Variants in DNAH12 observed in about 807,000 individuals in gnomAD.
DNAH12 encodes the protein dynein axonemal heavy chain 12, also known as axonemal beta dynein heavy chain 12.
In DNAH12, 285 loss-of-function variants were observed where a neutral mutation model predicts 371.5. The ratio of observed to expected loss-of-function variants is 0.77; its 90% confidence interval spans 0.70 to 0.85. DNAH12 has a LOEUF of 0.85. DNAH12 is among the 40% of genes least tolerant of loss of function. The pLI, the probability that DNAH12 is intolerant of heterozygous loss-of-function variation, is 0.00. For synonymous variants in DNAH12, 1,200 were observed against 1,213.0 expected (o/e 0.99, Z 0.22); for missense variants, 3,611 against 3,689.4 (o/e 0.98, Z 0.55).
At chr3:57,442,657 G>A (rs998579956) in intron 29 of DNAH12, among the ~76,000 whole-genome samples, 2 of 152,098 alleles carry the variant, frequency 1.3e-5, no homozygotes, top group African/African-American at 4.8e-5. Context: ...GGAATCTACG[G>A]ATTTATTGCA....
chr3:57,358,470 T>C (rs2153326217), intron 58 of DNAH12, among the ~76,000 whole-genome samples: 1 of 152,310 alleles, frequency 6.6e-6, no homozygotes, highest in African/African-American at 2.4e-5. Flanking sequence ...ATGTATGTCC[T>C]ATAATTGAGA....
At chr3:57,477,362 C>T (rs2066569620) in intron 13 of DNAH12, among the ~76,000 whole-genome samples, 1 of 152,104 alleles carries the variant, frequency 6.6e-6, no homozygotes, top group African/African-American at 2.4e-5. Context: ...TGCAAGGCAG[C>T]AGAGAGGCTG....
At chr3:57,511,630 A>G (rs1339932430) in intron 4 of DNAH12, among the ~76,000 whole-genome samples, 1 of 152,218 alleles carries the variant, frequency 6.6e-6, no homozygotes, top group African/African-American at 2.4e-5. Flanking sequence ...AGAATAGCCA[A>G]GAAAACCCTG....
At position 57,449,863 on chromosome 3, in the gene DNAH12, G is replaced by A. The variant is rs566969522; in HGVS notation, c.3786+2980C>T. On this transcript the variant is annotated intron_variant, in intron 25 of 73. Transcript: ENST00000495027. ...TGGGAACCCAGGCAGAGGAGGCGCC[G>A]AGAGCAAGCGAGGGCTCTGAGGACT... 2.0e-5 allele frequency among the ~76,000 whole-genome samples: 3 copies of A among 152,322 alleles called. 1 individual carries two copies. The South Asian group carries it at 6.2e-4, about 32-fold the overall frequency.
chr3:57,532,917 T>C (rs1358529361), intron 2 of DNAH12, among the ~76,000 whole-genome samples: 1 of 152,186 alleles, frequency 6.6e-6, no homozygotes, highest in African/African-American at 2.4e-5. Flanking sequence ...TCCCTCCCTT[T>C]CAGGAGGTGA....
chr3:57,537,678 G>C (rs1027616508), intron 2 of DNAH12, among the ~76,000 whole-genome samples: 3 of 148,238 alleles, frequency 2.0e-5, no homozygotes, highest in African/African-American at 7.7e-5. Flanking sequence ...TTAAAAAATG[G>C]TTTCTAAAAG....
At chr3:57,462,120 TAC>T (rs1225551048) in intron 18 of DNAH12, among the ~76,000 whole-genome samples, 22 of 152,298 alleles carry the variant, frequency 1.4e-4, no homozygotes, top group African/African-American at 4.8e-4. Flanking sequence ...AAAAATTATG[TAC>T]CAACACTAGC....
At chr3:57,465,878 T>C (rs755189971) in intron 17 of DNAH12, among the ~76,000 whole-genome samples, 3 of 152,160 alleles carry the variant, frequency 2.0e-5, no homozygotes, top group Non-Finnish European at 4.4e-5. Flanking sequence ...AAATTTTACT[T>C]GCAGTAAGAG....
intron 73 of DNAH12, among the ~76,000 whole-genome samples, chr3:57,294,176 C>CTTTTT (rs62779960): frequency 2.7e-4 from 35 of 129,054 alleles, no homozygotes; most frequent in African/African-American, 3.5e-4. Flanking sequence ...CTTTTCTTTT[C>CTTTTT]TTTTTTTTTT....
At chr3:57,457,655 T>C in intron 22 of DNAH12, 66 bp downstream of exon 22, 1 of 1,444,366 alleles carries the variant, frequency 6.9e-7, no homozygotes, top group Non-Finnish European at 9.2e-7. Flanking sequence ...ATTTACTGGT[T>C]TCCAAAACCT....
chr3:57,459,658 C>G lies in DNAH12; in HGVS notation c.2865G>C (p.Gly955=), dbSNP rs1390260395. 1.9e-6 allele frequency: 3 copies of G among 1,548,768 alleles called. No homozygotes were observed. Among genetic ancestry groups the G allele is most frequent in the Admixed American group, 3.9e-5 (2 of 50,950 alleles). ...EDIMQQMPEE[G]RQFQTVDRHW... is the part of the protein sequence containing the mutation. Reference sequence around the variant, plus strand: ...GTCTGTCTACTGTCTGAAATTGACGCCCTTCTTCTGGCATCTGTTGCATGA... The same window carrying G: ...GTCTGTCTACTGTCTGAAATTGACGGCCTTCTTCTGGCATCTGTTGCATGA... Residue 955 remains glycine (G), a synonymous_variant, in exon 20 of 74, where the codon GGG becomes GGC. Coordinates refer to ENST00000495027, the MANE Select transcript of DNAH12 (RefSeq NM_001366028.2).
chr3:57,394,747 T>C (rs992658602), intron 43 of DNAH12, among the ~76,000 whole-genome samples: 4 of 151,960 alleles, frequency 2.6e-5, no homozygotes, highest in African/African-American at 9.7e-5. Flanking sequence ...TGGAGGAGAG[T>C]TGTGTCAGGA....
chr3:57,438,918 C>CGA lies in DNAH12; in HGVS notation c.4546-1859_4546-1858insTC, dbSNP rs562343761. On this transcript the variant is annotated intron_variant, in intron 29 of 73. Transcript: ENST00000495027. ...CAACAGAGTGAAACTCTGTCTCAGA[C>CGA]AAAAAAAAAAAAAAGGAAAGCAACT... is the stretch of plus-strand genomic sequence containing the variant. Among the ~76,000 whole-genome samples, 115 of 94,478 alleles carry CGA rather than the reference C, an allele frequency of 1.2e-3. 3 individuals carry two copies. Among genetic ancestry groups the CGA allele is most frequent in the Middle Eastern group, 7.5e-3 (1 of 134 alleles). 62.0% of individuals were successfully genotyped at this position (94,478 alleles called of 152,430 possible). A position where few individuals can be genotyped will look rare whatever the true frequency, so the allele number is the denominator to read the frequency against.
Position 57,347,854 on chromosome 3 carries a change from C to T in DNAH12, c.9674+4231G>A, listed in dbSNP as rs1285075254. Among the ~76,000 whole-genome samples, 6 of 152,078 alleles carry T rather than the reference C, an allele frequency of 3.9e-5. No individual in the cohort carries two copies. The South Asian group carries it at 1.2e-3, about 31-fold the overall frequency. ...AATTCCAAATTAAAATGAAATACCA[C>T]TAAACACTATTAAAATGGCCACTTT... On this transcript the variant is annotated intron_variant, in intron 60 of 73. Coordinates refer to ENST00000495027, the MANE Select transcript of DNAH12 (RefSeq NM_001366028.2).
Position 57,471,537 on chromosome 3 carries a change from T to A in DNAH12, c.1846A>T (p.Ile616Leu). Reference protein sequence around the residue: ...MAKREKLILEIEKESRRMEEF... With the variant: ...MAKREKLILELEKESRRMEEF... ...TCCATGCGGCGTGATTCTTTTTCTATTTCCAAAATAAGTTTCTCTCTCTTG... is the reference window on the plus strand; with the variant it reads ...TCCATGCGGCGTGATTCTTTTTCTAATTCCAAAATAAGTTTCTCTCTCTTG... Residue 616 changes from isoleucine (I) to leucine (L), a missense_variant, in exon 15 of 74, where the codon ATA (isoleucine) becomes TTA (leucine). Physicochemically the swap from Ile to Leu is conservative, Grantham distance 5. Coordinates refer to ENST00000495027, the MANE Select transcript of DNAH12 (RefSeq NM_001366028.2). The A allele has an allele frequency of 6.5e-7, 1 of 1,550,008 alleles. No individual in the cohort carries two copies. The highest frequency in any genetic ancestry group is 2.5e-5 in the East Asian group (1 of 40,802).
At chr3:57,440,404 C>T (rs765399915) in intron 29 of DNAH12, among the ~76,000 whole-genome samples, 4 of 152,170 alleles carry the variant, frequency 2.6e-5, no homozygotes, top group Admixed American at 6.6e-5. Context: ...GGCCACTCTC[C>T]TAAGCAAATT....
At chr3:57,495,549 A>T (rs1575684050) in intron 11 of DNAH12, among the ~76,000 whole-genome samples, 1 of 148,022 alleles carries the variant, frequency 6.8e-6, no homozygotes, top group South Asian at 2.1e-4. Context: ...TATTAACCTC[A>T]CTCTAGCCTG....
intron 2 of DNAH12, among the ~76,000 whole-genome samples, chr3:57,525,567 CAT>C (rs1447975992): frequency 6.6e-6 from 1 of 151,962 alleles, no homozygotes; most frequent in Non-Finnish European, 1.5e-5. Flanking sequence ...TTATGGATTA[CAT>C]GAGATATTTT....
intron 49 of DNAH12, among the ~76,000 whole-genome samples, chr3:57,383,883 A>G (rs1208947065): frequency 1.3e-5 from 2 of 152,312 alleles, no homozygotes; most frequent in East Asian, 3.9e-4. Context: ...AAATGCCCTA[A>G]AACAATCTTG....
Sources: gnomAD v4.1 joint callset for allele counts (sites outside exome capture counted in the v4.1 genomes callset) on GRCh38, gnomAD v4.1.1 for gene constraint, MANE v1.5 for transcripts, NCBI Gene and HGNC (gene_info 2026-07-23, HGNC 2026-07-21) for gene names.